Variants in CREB1 observed in about 807,000 individuals in gnomAD.
CREB1 encodes the protein cyclic AMP-responsive element-binding protein 1.
Under a neutral mutation model 42.0 loss-of-function variants are expected in CREB1, and 2 were observed. That is an observed-to-expected ratio of 0.05 (90% CI 0.02 to 0.15). The LOEUF is 0.15. CREB1 is among the 10% of genes least tolerant of loss of function. The pLI is 1.00. For synonymous variants in CREB1, 123 were observed against 139.9 expected, an observed-to-expected ratio of 0.88 and a Z score of 0.85; for missense variants, 199 against 388.9, an observed-to-expected ratio of 0.51 and a Z score of 4.11.
Position 207,581,712 on chromosome 2 carries a change from T to C in CREB1, c.839+4057T>C. 7 of 598,968 alleles carry C rather than the reference T, an allele frequency of 1.2e-5. No homozygotes were observed. The South Asian group carries it at 1.3e-4, about 11-fold the overall frequency. The allele number at this position is 598,968 out of a possible 1,614,324, so 37.1% of individuals were successfully genotyped here. On this transcript the variant is annotated intron_variant, in intron 7 of 7. Transcript: ENST00000353267. ...ATCTTAGTATATTACATAACCAGGGTACATTTATCAAAAATAAAAGTACAT... is the reference window on the plus strand; with the variant it reads ...ATCTTAGTATATTACATAACCAGGGCACATTTATCAAAAATAAAAGTACAT...
chr2:207,571,654 C>T (rs975240321), intron 5 of CREB1: 1 of 434,198 alleles, frequency 2.3e-6, no homozygotes, highest in Non-Finnish European at 4.6e-6. Flanking sequence ...CAGTTGAAGC[C>T]TCATACCAGA....
intron 7 of CREB1, among the ~76,000 whole-genome samples, chr2:207,584,689 A>C (rs1194123824): frequency 6.6e-6 from 1 of 152,188 alleles, no homozygotes; most frequent in Admixed American, 6.5e-5. Flanking sequence ...GGTGTGAGCT[A>C]CTGTGCCCAG....
chr2:207,582,863 C>A, intron 7 of CREB1: 1 of 322,200 alleles, frequency 3.1e-6, no homozygotes, highest in African/African-American at 2.3e-5. Context: ...ACTACTCCAG[C>A]CTGAGTGACA....
chr2:207,589,978 C>T lies in CREB1; in HGVS notation c.840-6936C>T, dbSNP rs2084658720. On this transcript the variant is annotated intron_variant, in intron 7 of 7. Transcript: ENST00000353267. ...TGAGGTGGAAGTCTTCCCTTCCCTT[C>T]TCTTTTTCTGGAAGAGATTATAATA... 2.0e-5 allele frequency among the ~76,000 whole-genome samples: 3 copies of T among 151,040 alleles called. No homozygotes were observed. In the South Asian group the frequency reaches 6.2e-4, roughly 31 times the overall value.
intron 7 of CREB1, chr2:207,580,573 T>G (rs1055086247): frequency 4.6e-6 from 1 of 217,544 alleles, no homozygotes; most frequent in Non-Finnish European, 9.2e-6. Context: ...ATTTCCCTTA[T>G]GCACATCAAA....
intron 7 of CREB1, chr2:207,581,400 C>T (rs369806806): frequency 1.3e-4 from 27 of 201,438 alleles, no homozygotes; most frequent in African/African-American, 4.8e-4. Context: ...AAGATGTTCT[C>T]GGACAAAAGC....
chr2:207,539,930 A>G (rs2081027653), intron 1 of CREB1, among the ~76,000 whole-genome samples: 1 of 152,236 alleles, frequency 6.6e-6, no homozygotes, highest in Admixed American at 6.5e-5. Flanking sequence ...CATTTTGAGG[A>G]ATGCTGAGTA....
intron 2 of CREB1, among the ~76,000 whole-genome samples, chr2:207,558,940 G>T (rs1026626115): frequency 6.6e-6 from 1 of 152,182 alleles, no homozygotes; most frequent in Non-Finnish European, 1.5e-5. Flanking sequence ...ACATTGCCCG[G>T]CCTAAAGTGA....
At chr2:207,574,767 T>G (rs1311147264) in intron 5 of CREB1, among the ~76,000 whole-genome samples, 1 of 152,140 alleles carries the variant, frequency 6.6e-6, no homozygotes, top group Non-Finnish European at 1.5e-5. Flanking sequence ...TCTACAAGAG[T>G]TAGGGAATAC....
intron 1 of CREB1, among the ~76,000 whole-genome samples, chr2:207,535,642 T>G (rs1347905902): frequency 1.3e-5 from 2 of 152,072 alleles, no homozygotes; most frequent in African/African-American, 2.4e-5. Context: ...ATGATAAACT[T>G]TACTGCATAG....
chr2:207,566,698 A>G (rs577113329), intron 3 of CREB1, among the ~76,000 whole-genome samples: 2 of 152,264 alleles, frequency 1.3e-5, no homozygotes, highest in African/African-American at 4.8e-5. Context: ...TCTTCCATCT[A>G]TGGAATGGAT....
intron 6 of CREB1, 152 bp downstream of exon 6, chr2:207,575,606 C>A: frequency 1.4e-6 from 1 of 691,322 alleles, no homozygotes; most frequent in Non-Finnish European, 2.3e-6. Context: ...TGAACTCTTC[C>A]ATTATTCCAA....
At chr2:207,549,403 T>C (rs1456952773) in intron 1 of CREB1, among the ~76,000 whole-genome samples, 1 of 151,612 alleles carries the variant, frequency 6.6e-6, no homozygotes. Flanking sequence ...AAATGACAAG[T>C]ATTTTAAGGT....
Position 207,577,587 on chromosome 2 carries a change from C to G in CREB1, c.771C>G (p.Ser257=), listed in dbSNP as rs2082644961. The G allele has an allele frequency of 6.2e-7, 1 of 1,613,894 alleles. No homozygotes were observed. Among genetic ancestry groups the G allele is most frequent in the South Asian group, 1.1e-5 (1 of 91,084 alleles). ...TIAPGVVMAS[S]PALPTQPAEE... Reference sequence around the variant, plus strand: ...CCCCTGGAGTTGTTATGGCATCCTCCCCAGCACTTCCTACACAGCCTGCTG... The same window carrying G: ...CCCCTGGAGTTGTTATGGCATCCTCGCCAGCACTTCCTACACAGCCTGCTG... The change falls in exon 7 of 8, where the codon TCC becomes TCG. Residue 257 remains serine (S), a synonymous_variant. Coordinates refer to ENST00000353267, the MANE Select transcript of CREB1 (RefSeq NM_004379.5).
At chr2:207,559,361 C>T (rs974648867) in intron 2 of CREB1, 19 of 886,874 alleles carry the variant, frequency 2.1e-5, no homozygotes, top group Middle Eastern at 5.8e-4. Flanking sequence ...CTCAGTGTGT[C>T]CATTTTTCTT....
intron 7 of CREB1, among the ~76,000 whole-genome samples, chr2:207,587,835 A>T (rs927868371): frequency 2.0e-5 from 3 of 152,172 alleles, no homozygotes; most frequent in Non-Finnish European, 4.4e-5. Context: ...TGGTTAATGG[A>T]CACAAACTTA....
chr2:207,569,562 GTTCT>G (rs1358151598), intron 4 of CREB1, among the ~76,000 whole-genome samples: 2 of 151,466 alleles, frequency 1.3e-5, no homozygotes, highest in African/African-American at 2.4e-5. Flanking sequence ...TTGTGTATGT[GTTCT>G]TTGAGATGCA....
chr2:207,530,367 C>T (rs2080542900), intron 1 of CREB1, among the ~76,000 whole-genome samples: 1 of 149,040 alleles, frequency 6.7e-6, no homozygotes, highest in African/African-American at 2.4e-5. Context: ...TGCCTGCAGC[C>T]AGCGGCGGCG....
chr2:207,579,968 T>G (rs975155940), intron 7 of CREB1, among the ~76,000 whole-genome samples: 1 of 152,206 alleles, frequency 6.6e-6, no homozygotes, highest in African/African-American at 2.4e-5. Flanking sequence ...ATTTTTCCTT[T>G]GAACCTTCAT....
Sources: allele counts gnomAD v4.1 joint callset (sites outside exome capture counted in the v4.1 genomes callset), GRCh38; gene constraint gnomAD v4.1.1; transcripts MANE v1.5; gene names NCBI Gene and HGNC (gene_info 2026-07-23, HGNC 2026-07-21).